Variants in CKAP5 observed in about 807,000 individuals in gnomAD.
The protein encoded by CKAP5 is cytoskeleton-associated protein 5.
A neutral mutation model predicts 232.8 loss-of-function variants in CKAP5; 27 were observed. That is an observed-to-expected ratio of 0.12 (90% CI 0.09 to 0.16). The LOEUF is 0.16. Among genes scored for constraint, CKAP5 ranks in the 10% least tolerant of loss-of-function variants. The pLI, the probability that CKAP5 is intolerant of heterozygous loss-of-function variation, is 1.00. For synonymous variants in CKAP5, 785 were observed against 841.1 expected, an observed-to-expected ratio of 0.93 and a Z score of 1.16; for missense variants, 1,838 against 2,424.7, an observed-to-expected ratio of 0.76 and a Z score of 5.08.
At chr11:46,788,854 T>C (rs1267022662) in intron 15 of CKAP5, 81 bp from the exon 16 acceptor site, 2 of 956,054 alleles carry the variant, frequency 2.1e-6, no homozygotes, top group East Asian at 2.4e-5. Context: ...GTCAAGTAAG[T>C]GGTTACCTCT....
chr11:46,797,391 A>AAC lies in CKAP5; in HGVS notation c.1338+413_1338+414insGT, dbSNP rs60301522. ...CAAACAAAACAAAAACAACAACAAC[A>AAC]AAAAAAAAAAAACAAAAATTTTTCG... On this transcript the variant is annotated intron_variant, in intron 11 of 43. Coordinates refer to ENST00000529230, the MANE Select transcript of CKAP5 (RefSeq NM_001008938.4). Among the ~76,000 whole-genome samples the AAC allele has an allele frequency of 1.5e-4, 15 of 99,428 alleles. No homozygotes were observed. In the East Asian group the frequency reaches 2.2e-3, roughly 14 times the overall value. 65.2% of individuals were successfully genotyped at this position (99,428 alleles called of 152,430 possible).
intron 27 of CKAP5, among the ~76,000 whole-genome samples, chr11:46,765,879 G>A (rs1479836727): frequency 6.6e-6 from 1 of 152,094 alleles, no homozygotes; most frequent in African/African-American, 2.4e-5. Flanking sequence ...CATCTTGAAT[G>A]GCATTTACAC....
rs1156921478 is a variant in CKAP5 at position 46,817,068 on chromosome 11, T to C, written c.252-664A>G. Among the ~76,000 whole-genome samples, 3 of 150,490 alleles carry C rather than the reference T, an allele frequency of 2.0e-5. No homozygotes were observed. The East Asian group carries it at 5.9e-4, about 29-fold the overall frequency. On this transcript the variant is annotated intron_variant, in intron 3 of 43. Coordinates refer to ENST00000529230, the MANE Select transcript of CKAP5 (RefSeq NM_001008938.4). Reference sequence around the variant, plus strand: ...TTGTGGTGAGCCAAGATCGCGCCATTGCACTCCAGCCAGGGCAACAAGTAC... The same window carrying C: ...TTGTGGTGAGCCAAGATCGCGCCATCGCACTCCAGCCAGGGCAACAAGTAC...
intron 37 of CKAP5, 26 bp downstream of exon 37, chr11:46,753,284 T>G (rs1271910372): frequency 6.4e-7 from 1 of 1,556,208 alleles, no homozygotes; most frequent in Non-Finnish European, 8.7e-7. Flanking sequence ...TGCCCCAGGC[T>G]CTATTGGCTG....
intron 8 of CKAP5, among the ~76,000 whole-genome samples, chr11:46,802,567 C>CAG (rs1565743479): frequency 2.8e-4 from 42 of 151,368 alleles, no homozygotes; most frequent in African/African-American, 1.0e-3. Flanking sequence ...GACACACACA[C>CAG]ACACACACAC....
intron 13 of CKAP5, among the ~76,000 whole-genome samples, chr11:46,791,651 G>A (rs990738640): frequency 2.6e-5 from 4 of 152,216 alleles, no homozygotes; most frequent in South Asian, 2.1e-4. Flanking sequence ...TCTGGCTTGG[G>A]TGGCAGAGTG....
rs188366504 is a variant in CKAP5, at chr11:46,808,327, G to A, written c.865-183C>T. Among the ~76,000 whole-genome samples the A allele has an allele frequency of 1.8e-4, 28 of 152,282 alleles. No homozygotes were observed. In the East Asian group the frequency reaches 3.1e-3, roughly 17 times the overall value. On this transcript the variant is annotated intron_variant, in intron 7 of 43. Coordinates refer to ENST00000529230, the MANE Select transcript of CKAP5 (RefSeq NM_001008938.4). The stretch of plus-strand genomic sequence containing the variant: ...GAGGCCGAGGAGGGCAGATCATGAG[G>A]TCAGGAGATCGAGACCATCCTGACT...
chr11:46,767,544 G>A, intron 27 of CKAP5, 31 bp downstream of exon 27: 1 of 1,380,972 alleles, frequency 7.2e-7, no homozygotes, highest in South Asian at 1.2e-5. Context: ...TTAAAAGCAA[G>A]TCTACATCGA....
At chr11:46,792,561 A>C (rs1019497056) in intron 13 of CKAP5, among the ~76,000 whole-genome samples, 1 of 151,784 alleles carries the variant, frequency 6.6e-6, no homozygotes, top group South Asian at 2.1e-4. Flanking sequence ...TCAAAAAAAA[A>C]CAAAAACAAC....
Position 46,760,723 on chromosome 11 carries a change from G to A in CKAP5, c.4283C>T (p.Ser1428Phe). ...TTCCACCTGTTTTATTGGTGCAGCAGAGGGTCTCTTTGCTGACCGCTTAAT... is the reference window on the plus strand; with the variant it reads ...TTCCACCTGTTTTATTGGTGCAGCAAAGGGTCTCTTTGCTGACCGCTTAAT... ...ERIKRSAKRP[S>F]AAPIKQVEEK... Residue 1428 changes from serine (S) to phenylalanine (F), a missense_variant, in exon 33 of 44, where the codon TCT (serine) becomes TTT (phenylalanine). Physicochemically the swap from Ser to Phe is radical, Grantham distance 155. Coordinates refer to ENST00000529230, the MANE Select transcript of CKAP5 (RefSeq NM_001008938.4). The A allele has an allele frequency of 6.2e-7, 1 of 1,614,222 alleles. No homozygotes were observed. Among genetic ancestry groups the A allele is most frequent in the Non-Finnish European group, 8.5e-7 (1 of 1,180,034 alleles).
chr11:46,809,816 C>T lies in CKAP5; in HGVS notation c.689G>A (p.Arg230Gln), dbSNP rs762234437. The change falls in exon 6 of 44, where the codon CGA becomes CAA. Residue 230 changes from arginine (R) to glutamine (Q), a missense_variant. Around this residue, in one of 6 missense-constraint regions of CKAP5, gnomAD observed 285 missense variants for 300.0 expected, o/e 0.95. Coordinates refer to ENST00000529230, the MANE Select transcript of CKAP5 (RefSeq NM_001008938.4). Reference protein sequence around the residue: ...KLPTSAPRPTRFLRSQQELEA... With the variant: ...KLPTSAPRPTQFLRSQQELEA... ...TAGTTCTTGTTGGGAACGAAGAAAT[C>T]GAGTAGGTCTAGGAGCACTTGTTGG... 6.2e-6 allele frequency: 10 copies of T among 1,613,862 alleles called. No homozygotes were observed. Among genetic ancestry groups the T allele is most frequent in the Non-Finnish European group, 8.5e-6 (10 of 1,179,958 alleles).
intron 18 of CKAP5, among the ~76,000 whole-genome samples, chr11:46,782,850 C>T (rs1173465326): frequency 1.3e-5 from 2 of 152,098 alleles, no homozygotes; most frequent in African/African-American, 4.8e-5. Flanking sequence ...AATAAACAAC[C>T]GTGCTCTATA....
At chr11:46,758,811 T>G in intron 35 of CKAP5, 112 bp downstream of exon 35, 1 of 1,246,006 alleles carries the variant, frequency 8.0e-7, no homozygotes, top group Non-Finnish European at 1.1e-6. Context: ...CGGGAAAGTA[T>G]GAAACACTGC....
chr11:46,798,224 AT>A (rs1326463658), intron 9 of CKAP5, 52 bp from the exon 10 acceptor site: 1 of 1,232,318 alleles, frequency 8.1e-7, no homozygotes. Flanking sequence ...GGAATGATAT[AT>A]TGATATATCC....
chr11:46,783,229 G>T, intron 18 of CKAP5, 45 bp downstream of exon 18: 2 of 1,113,254 alleles, frequency 1.8e-6, no homozygotes, highest in South Asian at 1.3e-5. Flanking sequence ...CTTAGAGACT[G>T]ACAGAACATT....
At chr11:46,752,769 C>T in intron 37 of CKAP5, 59 bp from the exon 38 acceptor site, 1 of 1,376,286 alleles carries the variant, frequency 7.3e-7, no homozygotes, top group Non-Finnish European at 1.0e-6. Flanking sequence ...CAATTAGAAT[C>T]AGCAGTTGAA....
chr11:46,794,614 G>T (rs988736552), intron 13 of CKAP5, among the ~76,000 whole-genome samples: 1 of 152,180 alleles, frequency 6.6e-6, no homozygotes, highest in African/African-American at 2.4e-5. Flanking sequence ...AAGGCAGGAG[G>T]ATCACTTGAG....
rs2065100182 is a variant in CKAP5, at chr11:46,755,084, C to G, written c.4690-17G>C. ...CTCATCGATCTGATAACAAAAATTT[C>G]AAGATATATTTTCCAAGCTTCATAC... On this transcript the variant is annotated splice_polypyrimidine_tract_variant and intron_variant, in intron 35 of 43. Transcript: ENST00000529230. The G allele has an allele frequency of 1.9e-6, 3 of 1,579,716 alleles. No individual in the cohort carries two copies. Among genetic ancestry groups the G allele is most frequent in the South Asian group, 2.3e-5 (2 of 85,586 alleles).
At chr11:46,830,933 C>T (rs1334100569) in intron 1 of CKAP5, among the ~76,000 whole-genome samples, 1 of 151,936 alleles carries the variant, frequency 6.6e-6, no homozygotes, top group African/African-American at 2.4e-5. Flanking sequence ...GGCATGGTGG[C>T]GGGTGCCTGT....
Sources: gnomAD v4.1 joint callset for allele counts (sites outside exome capture counted in the v4.1 genomes callset) on GRCh38, gnomAD v4.1.1 for gene constraint, gnomAD v4.1.1 regional missense constraint, MANE v1.5 for transcripts, NCBI Gene and HGNC (gene_info 2026-07-23, HGNC 2026-07-21) for gene names.